The following ATP8B4 variants were observed in gnomAD, a reference collection of about 807,000 sequenced individuals.
ATP8B4 encodes ATPase phospholipid transporting 8B4 (putative).
In ATP8B4, 133 loss-of-function variants were observed where a neutral mutation model predicts 145.6. That is an observed-to-expected ratio of 0.91 (90% CI 0.79 to 1.05). ATP8B4 has a LOEUF of 1.05. Among genes scored for constraint, ATP8B4 ranks in the 50% least tolerant of loss-of-function variants. The pLI is 0.00. For missense variants in ATP8B4, 1,458 were observed against 1,425.2 expected, an observed-to-expected ratio of 1.02 and a Z score of -0.37; for synonymous variants, 507 against 492.9, an observed-to-expected ratio of 1.03 and a Z score of -0.38.
chr15:49,887,855 T>C (rs1466836337), intron 23 of ATP8B4, among the ~76,000 whole-genome samples: 1 of 152,216 alleles, frequency 6.6e-6, no homozygotes, highest in Non-Finnish European at 1.5e-5. Flanking sequence ...CTATGATTTA[T>C]AGAATGACAC....
rs1371489891 is a variant in ATP8B4 at position 50,085,845 on chromosome 15, TTTA to T, written c.29-11663_29-11661del. Among the ~76,000 whole-genome samples, 547 of 116,470 alleles carry T rather than the reference TTTA, an allele frequency of 4.7e-3. 3 individuals are homozygous for T. The highest frequency in any genetic ancestry group is 7.7e-3 in the Non-Finnish European group (449 of 57,984). The allele number at this position is 116,470 out of a possible 152,430, so 76.4% of individuals were successfully genotyped here. ...ATATAATATATATGATATAGATTATTTTATTATATATAATAAACGTATCATATA... is the reference window on the plus strand; with the variant it reads ...ATATAATATATATGATATAGATTATTTTATATATAATAAACGTATCATATA... On this transcript the variant is annotated intron_variant, in intron 2 of 27. Coordinates refer to ENST00000284509, the MANE Select transcript of ATP8B4 (RefSeq NM_024837.4).
intron 27 of ATP8B4, 76 bp from the exon 28 acceptor site, chr15:49,860,551 G>T: frequency 7.0e-7 from 1 of 1,435,780 alleles, no homozygotes. Context: ...TTTGTAAAGT[G>T]AAAGCCTTTT....
chr15:50,042,921 C>T (rs1047722344), intron 5 of ATP8B4, among the ~76,000 whole-genome samples: 1 of 152,128 alleles, frequency 6.6e-6, no homozygotes, highest in African/African-American at 2.4e-5. Context: ...TAGAAAGCAA[C>T]AGCTAGATAA....
intron 6 of ATP8B4, among the ~76,000 whole-genome samples, chr15:50,025,925 A>C (rs1368314348): frequency 6.6e-6 from 1 of 152,220 alleles, no homozygotes; most frequent in Admixed American, 6.5e-5. Flanking sequence ...TATCAAGACA[A>C]AGAAAGATGG....
chr15:49,913,114 G>A (rs1248372982), intron 20 of ATP8B4, among the ~76,000 whole-genome samples: 2 of 147,714 alleles, frequency 1.4e-5, no homozygotes, highest in East Asian at 1.9e-4. Flanking sequence ...CCAGGTGACA[G>A]AGCACCTGGC....
At chr15:50,113,389 G>A (rs1197722594) in intron 1 of ATP8B4, 1 of 152,208 alleles carries the variant, frequency 6.6e-6, no homozygotes, top group East Asian at 1.9e-4. Context: ...TGAGGGTGAG[G>A]GTGGGAGCTA....
chr15:50,029,328 A>C (rs1266081831), intron 6 of ATP8B4, among the ~76,000 whole-genome samples: 1 of 151,804 alleles, frequency 6.6e-6, no homozygotes, highest in Non-Finnish European at 1.5e-5. Flanking sequence ...AAGTGTTAGC[A>C]AGGCTGTAAA....
intron 23 of ATP8B4, chr15:49,879,811 A>C (rs1182608815): frequency 5.9e-6 from 1 of 170,318 alleles, no homozygotes; most frequent in Admixed American, 6.3e-5. Flanking sequence ...TCAGTGGCTT[A>C]TAATGAGTCC....
At chr15:50,145,974 T>G (rs989869912) in intron 1 of ATP8B4, among the ~76,000 whole-genome samples, 1 of 152,070 alleles carries the variant, frequency 6.6e-6, no homozygotes, top group African/African-American at 2.4e-5. Context: ...TCTGATTATA[T>G]TTTTATATAG....
intron 24 of ATP8B4, 43 bp from the exon 25 acceptor site, chr15:49,876,566 G>A (rs901748338): frequency 1.2e-6 from 2 of 1,610,856 alleles, no homozygotes; most frequent in African/African-American, 2.7e-5. Context: ...ATTAAAAAGA[G>A]TCAGAGAGGC....
intron 1 of ATP8B4, among the ~76,000 whole-genome samples, chr15:50,173,219 G>A (rs1381196036): frequency 1.3e-5 from 2 of 152,248 alleles, no homozygotes; most frequent in Non-Finnish European, 2.9e-5. Flanking sequence ...TTGAGAACAG[G>A]CCATGATGAC....
chr15:50,038,772 T>C lies in ATP8B4; in HGVS notation c.358A>G (p.Ser120Gly), dbSNP rs765683484. 4 of 1,611,882 alleles carry C rather than the reference T, an allele frequency of 2.5e-6. No homozygotes were observed. Residue 120 changes from serine to glycine, a missense_variant, in exon 6 of 28, where the codon AGC becomes GGC. By Grantham distance (56) the Ser-to-Gly change is moderately conservative (BLOSUM62 0). Transcript: ENST00000284509. ...CCCACAGAATGTATTTCTTACTTGC[T>C]GTTGATGAGCACTTCAGACTGCCGA... Reference protein sequence around the residue: ...NNRQSEVLINSKLQNEKWMNV... With the variant: ...NNRQSEVLINGKLQNEKWMNV...
intron 2 of ATP8B4, among the ~76,000 whole-genome samples, chr15:50,086,436 T>C (rs1228592817): frequency 4.3e-5 from 2 of 46,310 alleles, no homozygotes; most frequent in Non-Finnish European, 6.6e-5. Context: ...TCTATAATTA[T>C]ATATAATAAA....
chr15:49,971,806 A>G (rs1206576789), intron 13 of ATP8B4, among the ~76,000 whole-genome samples: 2 of 152,188 alleles, frequency 1.3e-5, no homozygotes, highest in Non-Finnish European at 2.9e-5. Flanking sequence ...ATTCTACTGT[A>G]AAGACACATG....
chr15:50,180,823 C>T (rs563749621), intron 1 of ATP8B4, among the ~76,000 whole-genome samples: 27 of 152,084 alleles, frequency 1.8e-4, no homozygotes, highest in African/African-American at 6.3e-4. Flanking sequence ...GGAAAGGTTG[C>T]TTGCGCAGTT....
chr15:49,876,190 C>A (rs1368783795), intron 25 of ATP8B4, 88 bp downstream of exon 25: 10 of 1,502,250 alleles, frequency 6.7e-6, no homozygotes, highest in South Asian at 5.3e-5. Context: ...GGATTATTTC[C>A]CCCCAACAAG....
At chr15:50,134,449 C>T (rs1377186296) in intron 1 of ATP8B4, among the ~76,000 whole-genome samples, 1 of 151,984 alleles carries the variant, frequency 6.6e-6, no homozygotes, top group African/African-American at 2.4e-5. Context: ...CTGTATACAA[C>T]AATAAGGAGT....
At chr15:49,930,525 A>G (rs1308953019) in intron 16 of ATP8B4, among the ~76,000 whole-genome samples, 1 of 152,112 alleles carries the variant, frequency 6.6e-6, no homozygotes. Flanking sequence ...GGTCCTCTCC[A>G]GCAATGGAGG....
rs749815570 is a variant in ATP8B4, at chr15:50,016,724, T to C, written c.363-5807A>G. ...AGGAGTGTCCTTAAGGAAAACACTC[T>C]CGTCAGCCAAGGGCAATTCCCAGAG... On this transcript the variant is annotated intron_variant, in intron 6 of 27. Transcript: ENST00000284509. Among the ~76,000 whole-genome samples the C allele has an allele frequency of 9.4e-4, 143 of 152,254 alleles. 1 individual carries two copies. The highest frequency in any genetic ancestry group is 9.3e-4 in the Non-Finnish European group (63 of 68,002).
Sources: allele counts gnomAD v4.1 joint callset (sites outside exome capture counted in the v4.1 genomes callset), GRCh38; gene constraint gnomAD v4.1.1; transcripts MANE v1.5; gene names NCBI Gene and HGNC (gene_info 2026-07-23, HGNC 2026-07-21).